KDM7A: variants seen among roughly 807,000 people sequenced by gnomAD.
The protein encoded by KDM7A is lysine demethylase 7A, also known as lysine-specific demethylase 7A.
A neutral mutation model predicts 114.8 loss-of-function variants in KDM7A; 28 were observed. The ratio of observed to expected loss-of-function variants is 0.24; its 90% CI spans 0.18 to 0.33. The LOEUF (loss-of-function observed/expected upper bound fraction) is 0.33, where lower values mean the gene tolerates loss of function less well. Ranked by LOEUF, KDM7A falls within the 10% of genes least tolerant of loss-of-function variation. KDM7A has a pLI of 1.00. For synonymous variants in KDM7A, 423 were observed against 397.8 expected (o/e 1.06, Z -0.75); for missense variants, 942 against 1,142.5 (o/e 0.82, Z 2.53).
intron 1 of KDM7A, among the ~76,000 whole-genome samples, chr7:140,146,137 C>T (rs370931416): frequency 1.3e-5 from 2 of 152,102 alleles, no homozygotes; most frequent in Non-Finnish European, 2.9e-5. Context: ...CAACACAACA[C>T]AACAGTAAAT....
At chr7:140,173,328 G>A (rs1292214139) in intron 1 of KDM7A, among the ~76,000 whole-genome samples, 1 of 152,094 alleles carries the variant, frequency 6.6e-6, no homozygotes, top group Non-Finnish European at 1.5e-5. Context: ...TTAGGGAGAT[G>A]GACAGATGGG....
intron 7 of KDM7A, among the ~76,000 whole-genome samples, chr7:140,121,106 G>C (rs1818611874): frequency 6.6e-6 from 1 of 152,174 alleles, no homozygotes; most frequent in Non-Finnish European, 1.5e-5. Context: ...GATCAGAGGA[G>C]TCAACCTGAG....
At chr7:140,118,471 G>A (rs1471528964) in intron 9 of KDM7A, among the ~76,000 whole-genome samples, 1 of 151,240 alleles carries the variant, frequency 6.6e-6, no homozygotes, top group Non-Finnish European at 1.5e-5. Context: ...GCATGATCTC[G>A]GCTCAATGCA....
intron 1 of KDM7A, among the ~76,000 whole-genome samples, chr7:140,144,112 AACTT>A (rs1794314034): frequency 6.6e-6 from 1 of 152,226 alleles, no homozygotes; most frequent in African/African-American, 2.4e-5. Flanking sequence ...CCCGACTTCA[AACTT>A]ACTTAACAAA....
intron 6 of KDM7A, 120 bp downstream of exon 6, chr7:140,126,516 TA>T (rs11303092): frequency 0.34 from 135,457 of 400,742 alleles, 8,295 homozygotes; most frequent in African/African-American, 0.42. Flanking sequence ...GGTTAAAAAG[TA>T]AAAAAAAAAA....
chr7:140,147,221 C>T (rs1482429781), intron 1 of KDM7A, among the ~76,000 whole-genome samples: 1 of 151,886 alleles, frequency 6.6e-6, no homozygotes, highest in Admixed American at 6.6e-5. Context: ...ATATCCTATT[C>T]CCTGAACTGA....
At chr7:140,107,942 C>T (rs1818367023) in intron 11 of KDM7A, among the ~76,000 whole-genome samples, 2 of 152,178 alleles carry the variant, frequency 1.3e-5, no homozygotes, top group South Asian at 4.1e-4. Context: ...TTCATATAGT[C>T]CCATATTTCT....
At chr7:140,095,150 C>T (rs1818085448) in intron 17 of KDM7A, among the ~76,000 whole-genome samples, 1 of 152,182 alleles carries the variant, frequency 6.6e-6, no homozygotes, top group Non-Finnish European at 1.5e-5. Context: ...GCCCAGTGAT[C>T]TAGAATCAAA....
intron 1 of KDM7A, among the ~76,000 whole-genome samples, chr7:140,140,679 C>A (rs997884880): frequency 7.4e-5 from 11 of 149,234 alleles, no homozygotes; most frequent in African/African-American, 2.2e-4. Context: ...GAGGCTGAGG[C>A]AGGAGAATTG....
intron 9 of KDM7A, among the ~76,000 whole-genome samples, chr7:140,114,615 C>CT (rs1401799373): frequency 6.6e-6 from 1 of 152,164 alleles, no homozygotes; most frequent in East Asian, 1.9e-4. Context: ...AGGAGCGTCT[C>CT]TGACTGGCCG....
In KDM7A at chr7:140,086,653, A is replaced by G. The variant is rs1817928220; in HGVS notation, c.*4441T>C. On this transcript the variant is annotated 3_prime_UTR_variant, in exon 20 of 20. Coordinates refer to ENST00000397560, the MANE Select transcript of KDM7A (RefSeq NM_030647.2). ...CCTGGTTTCAAGGAAGCACATGAAC[A>G]TCATCTCATAGGGCAAGCCGAAAAC... 2 of 152,138 alleles carry G rather than the reference A, an allele frequency of 1.3e-5. No homozygotes were observed. Among genetic ancestry groups the G allele is most frequent in the African/African-American group, 4.8e-5 (2 of 41,432 alleles). The allele number at this position is 152,138 out of a possible 1,614,324, so 9.4% of individuals were successfully genotyped here.
chr7:140,151,258 T>C (rs1562958408), intron 1 of KDM7A, among the ~76,000 whole-genome samples: 1 of 152,224 alleles, frequency 6.6e-6, no homozygotes, highest in Non-Finnish European at 1.5e-5. Context: ...CAAATTTTCA[T>C]AGGAAGTGAC....
Position 140,129,605 on chromosome 7 carries a change from T to C in KDM7A, c.447A>G (p.Arg149=), listed in dbSNP as rs372099583. ...CATCAAATCCATGTTTCTCCAGATA[T>C]CTTTGTGTCAGCTGGCTGCCATGCA... ...IKMHGSQLTQ[R]YLEKHGFDVP... is the part of the protein sequence containing the mutation. Residue 149 remains arginine, a synonymous_variant, in exon 4 of 20, where the codon AGA becomes AGG. Transcript: ENST00000397560. 44 of 1,611,184 alleles carry C rather than the reference T, an allele frequency of 2.7e-5. No homozygotes were observed. The African/African-American group carries it at 5.2e-4, about 19-fold the overall frequency.
In KDM7A at chr7:140,111,161, T is replaced by C; in HGVS notation, c.1362A>G (p.Glu454=). The C allele has an allele frequency of 6.2e-7, 1 of 1,606,706 alleles. No homozygotes were observed. Among genetic ancestry groups the C allele is most frequent in the Non-Finnish European group, 8.5e-7 (1 of 1,174,812 alleles). ...GTCCAGGTCTAACATTGTCTGGAAT[T>C]TCAAAGGCATGTTCAGATACAAGCT... ...KKELVSEHAF[E]IPDNVRPGHL... Residue 454 remains glutamate (E), a synonymous_variant, in exon 11 of 20, where the codon GAA becomes GAG. Coordinates refer to ENST00000397560, the MANE Select transcript of KDM7A (RefSeq NM_030647.2).
chr7:140,094,122 A>G lies in KDM7A; in HGVS notation c.2391T>C (p.Thr797=), dbSNP rs375505831. The G allele has an allele frequency of 1.9e-6, 3 of 1,592,634 alleles. No individual in the cohort carries two copies. In the African/African-American group the frequency reaches 4.0e-5, roughly 21 times the overall value. Residue 797 remains threonine, a synonymous_variant, in exon 18 of 20, where the codon ACT becomes ACC. Transcript: ENST00000397560. ...AGGAAGTCCTCAAGTCTGGATCTTCAGTCTTGACATGGTATCCTAAAGAGA... is the reference window on the plus strand; with the variant it reads ...AGGAAGTCCTCAAGTCTGGATCTTCGGTCTTGACATGGTATCCTAAAGAGA... The part of the protein sequence containing the change: ...KPVECGYHVK[T]EDPDLRTSSW...
At chr7:140,127,853 T>C (rs1339518307) in intron 4 of KDM7A, among the ~76,000 whole-genome samples, 1 of 152,214 alleles carries the variant, frequency 6.6e-6, no homozygotes, top group African/African-American at 2.4e-5. Flanking sequence ...CAAAGCTTTC[T>C]GTATACTAAT....
Position 140,176,559 on chromosome 7 carries a change from GC to G in KDM7A, c.194+184del, listed in dbSNP as rs1794711450. 6.8e-6 allele frequency among the ~76,000 whole-genome samples: 1 copy of G among 146,626 alleles called. No homozygotes were observed. The highest frequency in any genetic ancestry group is 1.5e-5 in the Non-Finnish European group (1 of 65,894). ...GCGAGCCCACCGGCTCCCCTCTGGAGCCCGCCCGGCGAACCCGGGGCACCGC... is the reference window on the plus strand; with the variant it reads ...GCGAGCCCACCGGCTCCCCTCTGGAGCCGCCCGGCGAACCCGGGGCACCGC... On this transcript the variant is annotated intron_variant, in intron 1 of 19. Coordinates refer to ENST00000397560, the MANE Select transcript of KDM7A (RefSeq NM_030647.2). This position sits in a 1 kb window ranked among gnomAD's most constrained non-coding sequence, Gnocchi z 4.4.
At chr7:140,091,317 C>A (rs375059942) in intron 19 of KDM7A, 129 bp from the exon 20 acceptor site, 27 of 678,770 alleles carry the variant, frequency 4.0e-5, no homozygotes, top group East Asian at 3.7e-4. Flanking sequence ...CAGAGTCATA[C>A]TTCTGAACTT....
intron 12 of KDM7A, among the ~76,000 whole-genome samples, chr7:140,100,262 TA>T (rs1283363424): frequency 6.6e-6 from 1 of 152,126 alleles, no homozygotes; most frequent in Non-Finnish European, 1.5e-5. Flanking sequence ...AAGTAAAACA[TA>T]AAATATGCAT....
Sources: gnomAD v4.1 joint callset for allele counts (sites outside exome capture counted in the v4.1 genomes callset) on GRCh38, gnomAD v4.1.1 for gene constraint, Gnocchi (gnomAD v3.1) non-coding constraint, MANE v1.5 for transcripts, NCBI Gene and HGNC (gene_info 2026-07-23, HGNC 2026-07-21) for gene names.